Variants in GPM6A observed in about 807,000 individuals in gnomAD.
GPM6A encodes glycoprotein M6A, also known as neuronal membrane glycoprotein M6-a.
A neutral mutation model predicts 32.1 loss-of-function variants in GPM6A; 7 were observed. The observed-to-expected ratio is 0.22, with a 90% CI of 0.12 to 0.41. The LOEUF (loss-of-function observed/expected upper bound fraction) is 0.41. Among genes scored for constraint, GPM6A ranks in the 10% least tolerant of loss-of-function variants. GPM6A has a pLI of 1.00. For synonymous variants in GPM6A, 130 were observed against 123.4 expected (o/e 1.05, Z -0.35); for missense variants, 235 against 347.2 (o/e 0.68, Z 2.57).
chr4:175,670,687 A>G (rs1743006708), intron 3 of GPM6A, among the ~76,000 whole-genome samples: 1 of 152,084 alleles, frequency 6.6e-6, no homozygotes, highest in Non-Finnish European at 1.5e-5. Flanking sequence ...TACGTGCCTC[A>G]AATTCTGGAT....
chr4:175,819,488 T>C (rs184357935), intron 1 of GPM6A, among the ~76,000 whole-genome samples: 83 of 152,326 alleles, frequency 5.4e-4, no homozygotes, highest in African/African-American at 1.9e-3. Context: ...ATGACAATTA[T>C]ACTCAGCACT....
intron 1 of GPM6A, among the ~76,000 whole-genome samples, chr4:175,964,840 C>T (rs1010560523): frequency 5.9e-5 from 9 of 152,118 alleles, no homozygotes; most frequent in African/African-American, 1.7e-4. Context: ...TAAAGAGAGG[C>T]ACTACATAAT....
At chr4:175,690,035 G>A (rs544458262) in intron 2 of GPM6A, among the ~76,000 whole-genome samples, 3 of 152,132 alleles carry the variant, frequency 2.0e-5, no homozygotes, top group Admixed American at 6.6e-5. Flanking sequence ...TGGCTGTTAC[G>A]GGCTTTGTGC....
chr4:175,656,352 C>A (rs1402626165), intron 3 of GPM6A, among the ~76,000 whole-genome samples: 1 of 152,114 alleles, frequency 6.6e-6, no homozygotes, highest in African/African-American at 2.4e-5. Flanking sequence ...TCTGGCAAAA[C>A]AAGCATCCTC....
chr4:175,671,421 A>ACAGGTT (rs1277194176), intron 3 of GPM6A, among the ~76,000 whole-genome samples: 1 of 134,262 alleles, frequency 7.4e-6, no homozygotes, highest in African/African-American at 2.6e-5. Flanking sequence ...AAAGAGGTTA[A>ACAGGTT]CAGGTTCACT....
In GPM6A at chr4:175,634,980, G is replaced by A; in HGVS notation, c.762C>T (p.Ile254=). ...DACRMQKYED[I]KSKEEQELHD... is the part of the protein sequence containing the mutation. ...GAAGCTCTTGCTCTTCCTTCGACTT[G>A]ATGTCTTCATACTTCTGCATCCGGC... Residue 254 remains isoleucine, a synonymous_variant, in exon 7 of 7, where the codon ATC becomes ATT. Coordinates refer to ENST00000393658, the MANE Select transcript of GPM6A (RefSeq NM_201591.3). 1 of 1,613,622 alleles carries A rather than the reference G, an allele frequency of 6.2e-7. No homozygotes were observed. The highest frequency in any genetic ancestry group is 8.5e-7 in the Non-Finnish European group (1 of 1,179,594).
At chr4:175,914,910 A>G in intron 1 of GPM6A, among the ~76,000 whole-genome samples, 1 of 152,218 alleles carries the variant, frequency 6.6e-6, no homozygotes, top group East Asian at 1.9e-4. Context: ...CACCCCAAGC[A>G]ATAACAATCA....
At chr4:175,908,908 T>C (rs994176881) in intron 1 of GPM6A, among the ~76,000 whole-genome samples, 2 of 151,968 alleles carry the variant, frequency 1.3e-5, no homozygotes, top group Non-Finnish European at 2.9e-5. Context: ...GCTTTACTGA[T>C]TTGTTCTCTT....
intron 1 of GPM6A, among the ~76,000 whole-genome samples, chr4:175,724,860 C>T (rs1000105500): frequency 3.3e-5 from 5 of 151,972 alleles, no homozygotes; most frequent in Admixed American, 2.0e-4. Context: ...ATAACTGCTC[C>T]GACCTCACCT....
chr4:175,866,348 CA>C (rs1341242462), intron 1 of GPM6A, among the ~76,000 whole-genome samples: 1 of 152,094 alleles, frequency 6.6e-6, no homozygotes, highest in Non-Finnish European at 1.5e-5. Flanking sequence ...AAGATTTGGA[CA>C]AATGTATAAA....
At chr4:175,785,086 T>C (rs1311599313) in intron 1 of GPM6A, among the ~76,000 whole-genome samples, 1 of 152,198 alleles carries the variant, frequency 6.6e-6, no homozygotes, top group Non-Finnish European at 1.5e-5. Flanking sequence ...GTAACAGAAG[T>C]GAATTTCTCC....
rs150086592 is a variant in GPM6A at position 175,874,645 on chromosome 4, G to T, written c.-22-62396C>A. ...TTTTAATATTTGGAAATGAGAAGGC[G>T]AATAGCTTAAAGTCATGAGAAAAGA... On this transcript the variant is annotated intron_variant, in intron 1 of 7. Transcript: ENST00000280187. Among the ~76,000 whole-genome samples, 13 of 152,238 alleles carry T rather than the reference G, an allele frequency of 8.5e-5. No homozygotes were observed. In the East Asian group the frequency reaches 2.1e-3, roughly 25 times the overall value.
chr4:175,960,515 GCCGCA>G (rs1205767221), intron 1 of GPM6A, among the ~76,000 whole-genome samples: 1 of 152,130 alleles, frequency 6.6e-6, no homozygotes, highest in African/African-American at 2.4e-5. Flanking sequence ...ATGGTGGTTT[GCCGCA>G]CCTGTCAACC....
intron 1 of GPM6A, among the ~76,000 whole-genome samples, chr4:175,734,161 T>TA (rs1491134214): frequency 3.2e-3 from 422 of 133,494 alleles, no homozygotes; most frequent in Non-Finnish European, 5.1e-3. Flanking sequence ...TATATATATA[T>TA]TTTTTAATTT....
At chr4:175,889,925 G>A (rs191198449) in intron 1 of GPM6A, among the ~76,000 whole-genome samples, 2 of 152,192 alleles carry the variant, frequency 1.3e-5, no homozygotes, top group African/African-American at 4.8e-5. Context: ...ACAATTAATA[G>A]GAACCCAAAA....
intron 1 of GPM6A, among the ~76,000 whole-genome samples, chr4:175,764,122 TTCA>T (rs1242228090): frequency 1.1e-4 from 17 of 152,172 alleles, no homozygotes; most frequent in African/African-American, 3.9e-4. Flanking sequence ...CCAGAACGTT[TTCA>T]TCATCCCAAA....
At chr4:175,747,765 A>C (rs34646060) in intron 1 of GPM6A, among the ~76,000 whole-genome samples, 53,708 of 151,796 alleles carry the variant, frequency 0.35, 11,746 homozygotes, top group Non-Finnish European at 0.48. Context: ...TGGCTGTGTC[A>C]ATTTCTTAAA....
chr4:175,964,766 AG>A (rs1740281373), intron 1 of GPM6A, among the ~76,000 whole-genome samples: 1 of 152,216 alleles, frequency 6.6e-6, no homozygotes, highest in South Asian at 2.1e-4. Context: ...AATCAAAAGC[AG>A]GTTGCAGTAG....
At chr4:175,818,720 A>G (rs1251951056) in intron 1 of GPM6A, among the ~76,000 whole-genome samples, 2 of 152,382 alleles carry the variant, frequency 1.3e-5, no homozygotes, top group East Asian at 3.9e-4. Flanking sequence ...TTAGAGGGTG[A>G]ACATAATTTA....
Sources: gnomAD v4.1 joint callset for allele counts (sites outside exome capture counted in the v4.1 genomes callset) on GRCh38, gnomAD v4.1.1 for gene constraint, MANE v1.5 for transcripts, NCBI Gene and HGNC (gene_info 2026-07-23, HGNC 2026-07-21) for gene names.